Variants in SUFU observed in about 807,000 individuals in gnomAD.
The protein encoded by SUFU is suppressor of fused homolog.
A neutral mutation model predicts 58.9 loss-of-function variants in SUFU; 7 were observed. That is an observed-to-expected ratio of 0.12 (90% CI 0.07 to 0.22). SUFU has a LOEUF of 0.22. SUFU is among the 10% of genes least tolerant of loss of function. The pLI, the probability that SUFU is intolerant of heterozygous loss-of-function variation, is 1.00. For missense variants in SUFU, 451 were observed against 641.3 expected (o/e 0.70, Z 3.20); for synonymous variants, 232 against 254.8 (o/e 0.91, Z 0.85).
chr10:102,607,976 C>G (rs1159463116), intron 8 of SUFU, among the ~76,000 whole-genome samples: 2 of 150,614 alleles, frequency 1.3e-5, no homozygotes, highest in African/African-American at 4.9e-5. Flanking sequence ...TTTAAAATAT[C>G]AAGGATGGGA....
chr10:102,502,841 G>C, upstream of SUFU: 1 of 600,876 alleles, frequency 1.7e-6, no homozygotes, highest in Non-Finnish European at 3.0e-6. Context: ...TGCCCGCCTA[G>C]TTTAAGATTG....
intron 2 of SUFU, among the ~76,000 whole-genome samples, chr10:102,520,212 C>CTTTTTT (rs36020604): frequency 7.9e-5 from 9 of 113,550 alleles, no homozygotes; most frequent in African/African-American, 1.6e-4. Context: ...TTTTTTCTTT[C>CTTTTTT]TTTTTTTTTT....
intron 2 of SUFU, among the ~76,000 whole-genome samples, chr10:102,511,403 C>T (rs575493730): frequency 3.5e-4 from 54 of 152,126 alleles, no homozygotes; most frequent in Non-Finnish European, 6.6e-4. Flanking sequence ...TTGGTGGTGG[C>T]TGCTTAACCT....
intron 3 of SUFU, among the ~76,000 whole-genome samples, chr10:102,565,425 G>C (rs1485758001): frequency 1.3e-5 from 2 of 152,096 alleles, no homozygotes; most frequent in East Asian, 3.8e-4. Context: ...TGGGGTTGGG[G>C]GGTATGCATC....
chr10:102,515,201 A>G (rs2062451918), intron 2 of SUFU, among the ~76,000 whole-genome samples: 1 of 151,730 alleles, frequency 6.6e-6, no homozygotes, highest in Non-Finnish European at 1.5e-5. Flanking sequence ...CGCATGAGTT[A>G]TTTATTAAAA....
At chr10:102,536,535 T>G (rs1269630591) in intron 2 of SUFU, among the ~76,000 whole-genome samples, 5 of 151,300 alleles carry the variant, frequency 3.3e-5, no homozygotes, top group Non-Finnish European at 5.9e-5. Flanking sequence ...GGCTAATTTT[T>G]GTATTTTTAG....
chr10:102,558,046 T>G (rs1189717841), intron 3 of SUFU, among the ~76,000 whole-genome samples: 1 of 139,418 alleles, frequency 7.2e-6, no homozygotes, highest in Non-Finnish European at 1.6e-5. Context: ...ACCATAGGCA[T>G]GCACCAACAT....
chr10:102,527,079 TG>T (rs201160620), intron 2 of SUFU, among the ~76,000 whole-genome samples: 3,610 of 146,300 alleles, frequency 0.025, 76 homozygotes, highest in Non-Finnish European at 0.033. Flanking sequence ...CTCAGCTCAC[TG>T]CAAGCTCCGC....
chr10:102,604,521 G>A (rs139479991), intron 8 of SUFU, among the ~76,000 whole-genome samples: 6 of 152,238 alleles, frequency 3.9e-5, no homozygotes, highest in African/African-American at 1.2e-4. Context: ...CCCCTCCCTC[G>A]AGTTGCACAA....
chr10:102,574,102 C>T (rs1191285346), intron 3 of SUFU, among the ~76,000 whole-genome samples: 1 of 152,142 alleles, frequency 6.6e-6, no homozygotes, highest in Admixed American at 6.6e-5. Context: ...TTATAGGTCT[C>T]GCCCACACTT....
intron 3 of SUFU, among the ~76,000 whole-genome samples, chr10:102,569,464 G>A (rs2063139247): frequency 6.6e-6 from 1 of 152,172 alleles, no homozygotes. Flanking sequence ...GTGGCTCTTG[G>A]AAAGCCCTGC....
rs749073585 is a variant in SUFU at position 102,631,325 on chromosome 10, C to T, written c.*1170C>T. 3.4e-5 allele frequency: 8 copies of T among 233,762 alleles called. No homozygotes were observed. Among genetic ancestry groups the T allele is most frequent in the Non-Finnish European group, 6.8e-5 (8 of 118,394 alleles). The allele number at this position is 233,762 out of a possible 1,614,324, so 14.5% of individuals were successfully genotyped here. On this transcript the variant is annotated 3_prime_UTR_variant, in exon 12 of 12. Coordinates refer to ENST00000369902, the MANE Select transcript of SUFU (RefSeq NM_016169.4). The stretch of plus-strand genomic sequence containing the variant: ...ATCTTTCATTCTCCACTCCTAATCC[C>T]TCTCCTTTCTGGCATCCTGGCCTCT...
chr10:102,534,639 G>T (rs1179016850), intron 2 of SUFU, among the ~76,000 whole-genome samples: 1 of 152,230 alleles, frequency 6.6e-6, no homozygotes, highest in Non-Finnish European at 1.5e-5. Flanking sequence ...GCATCATGGG[G>T]CTTGGGCCAG....
chr10:102,550,129 T>C, intron 3 of SUFU, 23 bp downstream of exon 3: 1 of 1,614,084 alleles, frequency 6.2e-7, no homozygotes. Flanking sequence ...GGCTGGCTGC[T>C]GTGCTGGTCC....
intron 2 of SUFU, among the ~76,000 whole-genome samples, chr10:102,535,224 C>T (rs568655757): frequency 4.6e-5 from 7 of 152,292 alleles, no homozygotes; most frequent in South Asian, 2.1e-4. Flanking sequence ...CGGTGGCTCA[C>T]GCCTGTAATC....
intron 8 of SUFU, among the ~76,000 whole-genome samples, chr10:102,603,708 C>G (rs762750420): frequency 7.9e-5 from 12 of 152,182 alleles, no homozygotes; most frequent in Non-Finnish European, 1.5e-4. Context: ...ACATTTGCAA[C>G]ACCTCCCCAA....
chr10:102,597,471 T>G (rs1429323627), intron 7 of SUFU, among the ~76,000 whole-genome samples, 178 bp downstream of exon 7: 1 of 152,240 alleles, frequency 6.6e-6, no homozygotes, highest in Non-Finnish European at 1.5e-5. Flanking sequence ...GGAGCTTTAT[T>G]GGCCCATTCC....
At chr10:102,514,283 G>A (rs899919963) in intron 2 of SUFU, among the ~76,000 whole-genome samples, 1 of 152,138 alleles carries the variant, frequency 6.6e-6, no homozygotes, top group African/African-American at 2.4e-5. Flanking sequence ...GAAGCGAGGG[G>A]TCCTCTGCAT....
chr10:102,568,895 AAAATAT>A lies in SUFU; in HGVS notation c.454+18791_454+18796del, dbSNP rs1372472999. Among the ~76,000 whole-genome samples, 26 of 23,860 alleles carry A rather than the reference AAAATAT, an allele frequency of 1.1e-3. 1 individual carries two copies. The highest frequency in any genetic ancestry group is 1.2e-3 in the African/African-American group (5 of 4,136). 15.7% of individuals were successfully genotyped at this position (23,860 alleles called of 152,430 possible). A position where few individuals can be genotyped will look rare whatever the true frequency, so the allele number is the denominator to read the frequency against. On this transcript the variant is annotated intron_variant, in intron 3 of 11. Transcript: ENST00000369902. ...GTCTCAAAAAAAAAAAAAAAAAAAAAAAATATATATATATATATATATATACACATA... is the reference window on the plus strand; with the variant it reads ...GTCTCAAAAAAAAAAAAAAAAAAAAAATATATATATATATATATACACATA...
Sources: allele counts gnomAD v4.1 joint callset (sites outside exome capture counted in the v4.1 genomes callset), GRCh38; gene constraint gnomAD v4.1.1; transcripts MANE v1.5; gene names NCBI Gene and HGNC (gene_info 2026-07-23, HGNC 2026-07-21).